The following EMSY variants were observed in gnomAD, a reference collection of about 807,000 sequenced individuals.
EMSY encodes the protein EMSY transcriptional repressor, BRCA2 interacting.
In EMSY, 26 loss-of-function variants were observed where a neutral mutation model predicts 134.6. The ratio of observed to expected loss-of-function variants is 0.19; its 90% CI spans 0.14 to 0.27. The LOEUF (loss-of-function observed/expected upper bound fraction) is 0.27, where lower values mean the gene tolerates loss of function less well. Ranked by LOEUF, EMSY falls within the 10% of genes least tolerant of loss-of-function variation. The pLI is 1.00. For synonymous variants in EMSY, 579 were observed against 577.8 expected (o/e 1.00, Z -0.03); for missense variants, 1,305 against 1,611.4 (o/e 0.81, Z 3.26).
intron 13 of EMSY, 48 bp downstream of exon 14, chr11:76,526,683 A>G (rs774194256): frequency 2.0e-5 from 25 of 1,277,028 alleles, no homozygotes; most frequent in Admixed American, 5.0e-5. Flanking sequence ...AATATTTTCA[A>G]TTCTTATAAT....
intron 6 of EMSY, among the ~76,000 whole-genome samples, chr11:76,462,419 G>A (rs1028794266): frequency 6.6e-6 from 1 of 152,170 alleles, no homozygotes. Flanking sequence ...TATGTGCAAG[G>A]CACTATACTG....
At chr11:76,474,891 G>T (rs1428456177) in intron 8 of EMSY, among the ~76,000 whole-genome samples, 2 of 152,094 alleles carry the variant, frequency 1.3e-5, no homozygotes. Flanking sequence ...AGCCACCCCA[G>T]TAGCTGGGAC....
At chr11:76,494,962 C>T (rs1272709133) in intron 8 of EMSY, among the ~76,000 whole-genome samples, 1 of 152,156 alleles carries the variant, frequency 6.6e-6, no homozygotes, top group Non-Finnish European at 1.5e-5. Flanking sequence ...TCTTAAACTC[C>T]TGACTTCAGG....
chr11:76,527,996 A>T (rs1375169529), intron 13 of EMSY, among the ~76,000 whole-genome samples: 2 of 151,692 alleles, frequency 1.3e-5, no homozygotes, highest in African/African-American at 4.8e-5. Context: ...TTATAAAATG[A>T]CTCCTGAAGT....
exon 19 of EMSY, chr11:76,544,409 C>G (rs1565366646): frequency 1.9e-6 from 3 of 1,614,122 alleles, no homozygotes; most frequent in Non-Finnish European, 8.5e-7. Flanking sequence ...ACAGCAGAAA[C>G]TTAGCCAGCC....
At chr11:76,514,877 AAC>A (rs1318825285) in intron 10 of EMSY, among the ~76,000 whole-genome samples, 6 of 152,292 alleles carry the variant, frequency 3.9e-5, no homozygotes, top group Admixed American at 1.3e-4. Flanking sequence ...CTAAATAGAT[AAC>A]AGTGTTATGC....
chr11:76,480,093 C>T (rs778927913), intron 8 of EMSY, among the ~76,000 whole-genome samples: 14 of 152,176 alleles, frequency 9.2e-5, no homozygotes, highest in East Asian at 1.9e-4. Context: ...TCAAAGTCAC[C>T]GCTGGTAACT....
Position 76,550,134 on chromosome 11 carries a change from T to C in EMSY, c.3957T>C (p.Ala1319=), listed in dbSNP as rs1951795126. 3.1e-6 allele frequency: 5 copies of C among 1,612,276 alleles called. No homozygotes were observed. The East Asian group carries it at 1.1e-4, about 36-fold the overall frequency. ...AACCCAGCCCTTCTCAGAGCTCTGCTGAACGGTCCTAGTGTTTGGACACAA... is the reference window on the plus strand; with the variant it reads ...AACCCAGCCCTTCTCAGAGCTCTGCCGAACGGTCCTAGTGTTTGGACACAA... Residue 1319 remains alanine, a synonymous_variant, in exon 21 of 21, where the codon GCT becomes GCC. Coordinates refer to ENST00000334736, the Ensembl canonical transcript of EMSY.
chr11:76,486,863 A>G (rs1949206538), intron 8 of EMSY, among the ~76,000 whole-genome samples: 1 of 152,244 alleles, frequency 6.6e-6, no homozygotes, highest in Admixed American at 6.5e-5. Context: ...TATACATGAC[A>G]TGGTGAAAAT....
intron 8 of EMSY, among the ~76,000 whole-genome samples, chr11:76,489,946 T>C (rs1172216614): frequency 6.6e-6 from 1 of 152,140 alleles, no homozygotes; most frequent in African/African-American, 2.4e-5. Context: ...TCTTAACCCA[T>C]CTGTGCCTTT....
At chr11:76,492,833 C>G (rs576912604) in intron 8 of EMSY, among the ~76,000 whole-genome samples, 1 of 152,270 alleles carries the variant, frequency 6.6e-6, no homozygotes, top group East Asian at 1.9e-4. Context: ...TGTGAGCTAC[C>G]TAGCACACAC....
At position 76,543,776 on chromosome 11, in the gene EMSY, G is replaced by A. The variant is rs182225632; in HGVS notation, c.2710-483G>A. ...TCATCCATGCAGGGGGCTCTCTGTG[G>A]GGACTGGTACAGGCACAGGTCTCAG... On this transcript the variant is annotated intron_variant, in intron 18 of 20. Transcript: ENST00000334736. 8.7e-4 allele frequency among the ~76,000 whole-genome samples: 132 copies of A among 152,254 alleles called. 1 individual carries two copies. The highest frequency in any genetic ancestry group is 3.4e-3 in the Middle Eastern group (1 of 294).
chr11:76,541,676 T>A lies in EMSY; in HGVS notation c.2558-540T>A, dbSNP rs185227734. ...TTTTCTGCATTATCACCCAGACCTT[T>A]AGATTTTTAGGAACTGTAAGGTTGT... On this transcript the variant is annotated intron_variant, in intron 17 of 20. Coordinates refer to ENST00000334736, the Ensembl canonical transcript of EMSY. Among the ~76,000 whole-genome samples, 205 of 152,354 alleles carry A rather than the reference T, an allele frequency of 1.3e-3. 4 individuals carry two copies. The highest frequency in any genetic ancestry group is 0.012 in the Admixed American group (190 of 15,308).
At chr11:76,516,305 A>G (rs2136167398) in exon 11 of EMSY, 7 of 1,606,514 alleles carry the variant, frequency 4.4e-6, no homozygotes, top group Non-Finnish European at 6.0e-6. Context: ...GCAGTAATAT[A>G]GTTTCTGGTA....
At position 76,526,639 on chromosome 11, in the gene EMSY, T is replaced by A; in HGVS notation, c.1995+4T>A. 1 of 1,600,722 alleles carries A rather than the reference T, an allele frequency of 6.2e-7. No homozygotes were observed. Among genetic ancestry groups the A allele is most frequent in the Admixed American group, 1.7e-5 (1 of 57,720 alleles). On this transcript the variant is annotated splice_donor_region_variant and intron_variant, in intron 13 of 20. Coordinates refer to ENST00000334736, the Ensembl canonical transcript of EMSY. ...TGGGCAGCAAGGGAAAACGCAGGTA[T>A]GCTATAAGATATGATGATTTTTCTT...
chr11:76,455,083 C>T (rs1947815161), intron 4 of EMSY, among the ~76,000 whole-genome samples: 1 of 151,982 alleles, frequency 6.6e-6, no homozygotes, highest in African/African-American at 2.4e-5. Flanking sequence ...CAAGTATTTG[C>T]CAAAATATTT....
At chr11:76,530,751 G>A (rs1480986218) in intron 14 of EMSY, among the ~76,000 whole-genome samples, 1 of 152,062 alleles carries the variant, frequency 6.6e-6, no homozygotes, top group African/African-American at 2.4e-5. Flanking sequence ...CTAGGTCTGG[G>A]AATATATATG....
At chr11:76,529,542 C>T (rs1360542634) in intron 14 of EMSY, among the ~76,000 whole-genome samples, 1 of 151,984 alleles carries the variant, frequency 6.6e-6, no homozygotes, top group Admixed American at 6.6e-5. Context: ...TCTTGCCCTC[C>T]AGGAGCATAA....
chr11:76,546,357 A>G, intron 20 of EMSY, 60 bp downstream of exon 21: 2 of 1,543,904 alleles, frequency 1.3e-6, no homozygotes, highest in Non-Finnish European at 1.7e-6. Flanking sequence ...GGTTTGTTTG[A>G]TATGTTTTTG....
Sources: allele counts gnomAD v4.1 joint callset (sites outside exome capture counted in the v4.1 genomes callset), GRCh38; gene constraint gnomAD v4.1.1; transcripts MANE v1.5; gene names NCBI Gene and HGNC (gene_info 2026-07-23, HGNC 2026-07-21).